Variants in PPP3CA observed in about 807,000 individuals in gnomAD.
PPP3CA encodes protein phosphatase 3 catalytic subunit alpha, also known as CAM-PRP catalytic subunit.
PPP3CA carries 14 observed loss-of-function variants against 66.5 expected under a neutral mutation model. That is an observed-to-expected ratio of 0.21 (90% CI 0.14 to 0.33). PPP3CA has a LOEUF of 0.33. PPP3CA is among the 10% of genes least tolerant of loss of function. PPP3CA has a pLI of 1.00. For synonymous variants in PPP3CA, 232 were observed against 226.2 expected, an observed-to-expected ratio of 1.03 and a Z score of -0.23; for missense variants, 317 against 639.5, an observed-to-expected ratio of 0.50 and a Z score of 5.44.
chr4:101,045,893 AG>A (rs1727743997), intron 10 of PPP3CA, among the ~76,000 whole-genome samples: 1 of 152,244 alleles, frequency 6.6e-6, no homozygotes, highest in African/African-American at 2.4e-5. Flanking sequence ...TTAAGTGATG[AG>A]TATCTAAGTA....
In PPP3CA at chr4:101,026,012, G is replaced by A; in HGVS notation, c.1419C>T (p.Ala473=). The A allele has an allele frequency of 6.2e-7, 1 of 1,612,140 alleles. No homozygotes were observed. The highest frequency in any genetic ancestry group is 8.5e-7 in the Non-Finnish European group (1 of 1,179,358). ...TCTCATTAATTCGGTCTAAGCCCTT[G>A]GCTTCCTCGAAGCTAGTGATCTTAT... The part of the protein sequence containing the change: ...PQHKITSFEE[A]KGLDRINERM... Residue 473 remains alanine (A), a synonymous_variant, in exon 14 of 14, where the codon GCC becomes GCT. Coordinates refer to ENST00000394854, the MANE Select transcript of PPP3CA (RefSeq NM_000944.5).
chr4:101,031,747 T>C (rs1578388266), intron 12 of PPP3CA, among the ~76,000 whole-genome samples: 1 of 152,196 alleles, frequency 6.6e-6, no homozygotes, highest in East Asian at 1.9e-4. Flanking sequence ...TGTGGTTCTA[T>C]TCAGTCTCTT....
chr4:101,248,446 C>T (rs1024733453), intron 1 of PPP3CA, among the ~76,000 whole-genome samples: 1 of 152,126 alleles, frequency 6.6e-6, no homozygotes, highest in African/African-American at 2.4e-5. Context: ...AGCTACATCA[C>T]AAAATAAAAG....
intron 11 of PPP3CA, 115 bp downstream of exon 11, chr4:101,040,364 GAAA>G: frequency 1.4e-6 from 1 of 722,914 alleles, no homozygotes; most frequent in Non-Finnish European, 2.0e-6. Flanking sequence ...AATCTAAAAG[GAAA>G]AAAAGACAAA....
At chr4:101,102,882 A>G (rs1313708655) in intron 3 of PPP3CA, among the ~76,000 whole-genome samples, 1 of 152,206 alleles carries the variant, frequency 6.6e-6, no homozygotes, top group Non-Finnish European at 1.5e-5. Context: ...GGTGAGATGT[A>G]AATGAGGTGC....
intron 10 of PPP3CA, among the ~76,000 whole-genome samples, chr4:101,041,716 G>T (rs1358226438): frequency 2.0e-5 from 3 of 152,084 alleles, no homozygotes; most frequent in African/African-American, 7.2e-5. Context: ...TTACAAGTGT[G>T]AGCCACCGCA....
intron 1 of PPP3CA, among the ~76,000 whole-genome samples, chr4:101,335,726 A>C (rs1041810517): frequency 1.3e-5 from 2 of 152,112 alleles, no homozygotes; most frequent in Admixed American, 1.3e-4. Flanking sequence ...CCTATGAAAG[A>C]CTTCTGAGTT....
intron 10 of PPP3CA, among the ~76,000 whole-genome samples, chr4:101,059,406 T>C (rs1398233625): frequency 6.6e-6 from 1 of 152,022 alleles, no homozygotes; most frequent in Non-Finnish European, 1.5e-5. Context: ...AAAAATAGTA[T>C]ATGAAGACAA....
In PPP3CA at chr4:101,248,285, A is replaced by G. The variant is rs143133935; in HGVS notation, c.59-52169T>C. 7.2e-5 allele frequency among the ~76,000 whole-genome samples: 11 copies of G among 152,334 alleles called. No homozygotes were observed. The East Asian group carries it at 1.9e-3, about 27-fold the overall frequency. On this transcript the variant is annotated intron_variant, in intron 1 of 13. Transcript: ENST00000394854. ...TGAGTTTTAGAGCCAGACAGACCCA[A>G]ATATGCATTAAATTTCTAGATTAGA...
At chr4:101,300,052 A>G (rs1251977559) in intron 1 of PPP3CA, among the ~76,000 whole-genome samples, 1 of 152,216 alleles carries the variant, frequency 6.6e-6, no homozygotes, top group Admixed American at 6.5e-5. Flanking sequence ...AACATAGTCT[A>G]CTAAGAAGGC....
Position 101,263,761 on chromosome 4 carries a change from GA to G in PPP3CA, c.59-67646del, listed in dbSNP as rs930721713. Among the ~76,000 whole-genome samples the G allele has an allele frequency of 2.8e-4, 42 of 150,126 alleles. No homozygotes were observed. The South Asian group carries it at 8.2e-3, about 29-fold the overall frequency. ...ATTGTCAGTTCTTTTGTTCAGACAG[GA>G]AAAAAAAATCCACTTAACCACATTA... On this transcript the variant is annotated intron_variant, in intron 1 of 13. Transcript: ENST00000394854.
At chr4:101,345,908 G>A (rs1729969343) in intron 1 of PPP3CA, among the ~76,000 whole-genome samples, 1 of 152,202 alleles carries the variant, frequency 6.6e-6, no homozygotes, top group Non-Finnish European at 1.5e-5. Flanking sequence ...AGGTGTGCAC[G>A]AGTGGAGAAC....
chr4:101,336,228 A>T (rs1729629839), intron 1 of PPP3CA, among the ~76,000 whole-genome samples: 1 of 151,682 alleles, frequency 6.6e-6, no homozygotes, highest in Admixed American at 6.6e-5. Context: ...ACCTCCAAAA[A>T]AAAAGCAAAC....
intron 2 of PPP3CA, among the ~76,000 whole-genome samples, chr4:101,145,727 C>T (rs537043682): frequency 1.3e-5 from 2 of 152,158 alleles, no homozygotes; most frequent in African/African-American, 2.4e-5. Flanking sequence ...ACAATAATTA[C>T]ATGTTACTGG....
intron 1 of PPP3CA, among the ~76,000 whole-genome samples, chr4:101,229,492 T>G (rs1238689887): frequency 6.6e-6 from 1 of 151,738 alleles, no homozygotes; most frequent in African/African-American, 2.4e-5. Flanking sequence ...TATGATAGCC[T>G]CTTCTCTCTA....
chr4:101,089,801 G>A (rs1011585173), intron 6 of PPP3CA, among the ~76,000 whole-genome samples: 1 of 152,076 alleles, frequency 6.6e-6, no homozygotes, highest in Non-Finnish European at 1.5e-5. Context: ...TAAAGATAAT[G>A]GTACATTGGG....
At chr4:101,243,527 C>T (rs1452455617) in intron 1 of PPP3CA, among the ~76,000 whole-genome samples, 1 of 151,984 alleles carries the variant, frequency 6.6e-6, no homozygotes, top group African/African-American at 2.4e-5. Context: ...TTTTTCCTGT[C>T]ATTATATCTA....
intron 1 of PPP3CA, among the ~76,000 whole-genome samples, chr4:101,309,788 C>T (rs4504259): frequency 0.11 from 16,014 of 152,106 alleles, 2,866 homozygotes; most frequent in African/African-American, 0.36. Context: ...TGTTCTCTAA[C>T]GTGTGATACA....
intron 1 of PPP3CA, among the ~76,000 whole-genome samples, chr4:101,269,089 T>C (rs949508916): frequency 2.6e-5 from 4 of 152,144 alleles, no homozygotes; most frequent in African/African-American, 9.7e-5. Context: ...TTCCCTGTCT[T>C]CAAAAATTTG....
Sources: gnomAD v4.1 joint callset for allele counts (sites outside exome capture counted in the v4.1 genomes callset) on GRCh38, gnomAD v4.1.1 for gene constraint, MANE v1.5 for transcripts, NCBI Gene and HGNC (gene_info 2026-07-23, HGNC 2026-07-21) for gene names.